Variants in LRRC45 observed in about 807,000 individuals in gnomAD.
The protein encoded by LRRC45 is leucine-rich repeat-containing protein 45.
In LRRC45, 73 loss-of-function variants were observed where a neutral mutation model predicts 85.4. That is an observed-to-expected ratio of 0.85 (90% CI 0.71 to 1.04). The LOEUF is 1.04. Among genes scored for constraint, LRRC45 ranks in the 50% least tolerant of loss-of-function variants. The pLI, the probability that LRRC45 is intolerant of heterozygous loss-of-function variation, is 0.00. For missense variants in LRRC45, 937 were observed against 883.3 expected (o/e 1.06, Z -0.77); for synonymous variants, 429 against 386.0 (o/e 1.11, Z -1.31).
intron 13 of LRRC45, 63 bp downstream of exon 13, chr17:82,029,248 C>T (rs1010439704): frequency 2.7e-6 from 4 of 1,501,146 alleles, no homozygotes; most frequent in South Asian, 1.2e-5. Flanking sequence ...GGCAGGGGCC[C>T]CTGGTGTTCG....
rs1414941199 is a variant in LRRC45 at position 82,023,305 on chromosome 17, G to T, written c.-339G>T. Reference sequence around the variant, plus strand: ...CCCGCGGCCTCTCCCGGCGCGCCTTGTTCTTCCTGGATACTGAGGCCCCGA... The same window carrying T: ...CCCGCGGCCTCTCCCGGCGCGCCTTTTTCTTCCTGGATACTGAGGCCCCGA... On this transcript the variant is annotated 5_prime_UTR_variant, in exon 1 of 17. Transcript: ENST00000306688. The T allele has an allele frequency of 2.2e-6, 1 of 452,452 alleles. No homozygotes were observed. 28.0% of individuals were successfully genotyped at this position (452,452 alleles called of 1,614,324 possible). A position where few individuals can be genotyped will look rare whatever the true frequency, so the allele number is the denominator to read the frequency against.
chr17:82,029,641 CCA>C lies in LRRC45; in HGVS notation c.1494+11_1494+12del. On this transcript the variant is annotated splice_region_variant and intron_variant, in intron 14 of 16. Coordinates refer to ENST00000306688, the MANE Select transcript of LRRC45 (RefSeq NM_144999.4). Reference sequence around the variant, plus strand: ...GCCAGGCCCGCCTGGAGGAGGTGAGCCACACATGTCCGCCACCCTCCGGGGGA... The same window carrying C: ...GCCAGGCCCGCCTGGAGGAGGTGAGCCACATGTCCGCCACCCTCCGGGGGA... The C allele has an allele frequency of 6.4e-7, 1 of 1,561,506 alleles. No homozygotes were observed. The highest frequency in any genetic ancestry group is 1.4e-5 in the African/African-American group (1 of 73,564).
chr17:82,029,481 A>G (rs2043397995), intron 13 of LRRC45, 62 bp from the exon 14 acceptor site: 1 of 1,513,074 alleles, frequency 6.6e-7, no homozygotes, highest in Non-Finnish European at 9.0e-7. Context: ...TGGATGGGCC[A>G]GAGAGAGAAG....
chr17:82,025,505 T>C lies in LRRC45; in HGVS notation c.659T>C (p.Val220Ala), dbSNP rs1465402544. 3 of 1,601,026 alleles carry C rather than the reference T, an allele frequency of 1.9e-6. No individual in the cohort carries two copies. The East Asian group carries it at 6.7e-5, about 36-fold the overall frequency. The change falls in exon 5 of 17, where the codon GTG becomes GCG. Residue 220 changes from valine (V) to alanine (A), a missense_variant and splice_region_variant. Val to Ala is a moderately conservative substitution (Grantham distance 64). Transcript: ENST00000306688. ...NNIPGDVLRA[V>A]EQAMGHSQDR... ...ATCCCTGGAGACGTCCTCAGAGCCGTGGGTACGGTGCAGGGCTGTGTGGAG... is the reference window on the plus strand; with the variant it reads ...ATCCCTGGAGACGTCCTCAGAGCCGCGGGTACGGTGCAGGGCTGTGTGGAG...
intron 14 of LRRC45, 140 bp from the exon 15 acceptor site, chr17:82,029,925 C>G (rs2043402760): frequency 3.6e-6 from 4 of 1,096,994 alleles, no homozygotes; most frequent in Non-Finnish European, 5.1e-6. Context: ...GAGGAGGTGG[C>G]TGCCAGGGGA....
chr17:82,027,286 C>T, intron 6 of LRRC45, 100 bp from the exon 7 acceptor site: 7 of 1,459,778 alleles, frequency 4.8e-6, no homozygotes, highest in African/African-American at 1.4e-5. Context: ...CCCTCCGCTG[C>T]CTTGCCACAT....
In LRRC45 at chr17:82,026,982, C is replaced by T. The variant is rs1568014778; in HGVS notation, c.745C>T (p.Gln249Ter). The change falls in exon 6 of 17, where the codon CAG becomes TAG. Residue 249 changes from glutamine to a stop codon, truncating the protein, a stop_gained. Transcript: ENST00000306688. LOFTEE classifies it high-confidence loss of function. ...ARTHVLSKEVQHLREEKSKQF... is the reference protein window; with the variant it reads ...ARTHVLSKEV ...CACTCACGTCCTCAGCAAGGAGGTC[C>T]AGCACCTCCGGGAGGAGAAGTCCAA... 6.2e-7 allele frequency: 1 copy of T among 1,605,338 alleles called. No individual in the cohort carries two copies. Among genetic ancestry groups the T allele is most frequent in the South Asian group, 1.1e-5 (1 of 89,782 alleles).
Position 82,029,959 on chromosome 17 carries a change from A to G in LRRC45, c.1495-106A>G, listed in dbSNP as rs149291284. ...GAGCGGGTTCAGAGTCATAGTAACT[A>G]GAGCAGCCAGTCCTGCAGAGAGGTG... On this transcript the variant is annotated intron_variant, in intron 14 of 16. Coordinates refer to ENST00000306688, the MANE Select transcript of LRRC45 (RefSeq NM_144999.4). 3,220 of 1,349,542 alleles carry G rather than the reference A, an allele frequency of 2.4e-3. 57 individuals carry two copies. The African/African-American group carries it at 0.042, about 18-fold the overall frequency. 83.6% of individuals were successfully genotyped at this position (1,349,542 alleles called of 1,614,324 possible).
intron 13 of LRRC45, 25 bp downstream of exon 13, chr17:82,029,210 A>G (rs1276963595): frequency 1.3e-6 from 2 of 1,599,944 alleles, no homozygotes; most frequent in Admixed American, 1.7e-5. Flanking sequence ...GGCAGGGCCA[A>G]GCTCTGCCTT....
intron 5 of LRRC45, among the ~76,000 whole-genome samples, chr17:82,026,528 C>A (rs2043368614): frequency 6.6e-6 from 1 of 151,448 alleles, no homozygotes; most frequent in South Asian, 2.1e-4. Context: ...ACCAGCTACT[C>A]CTGAGGCTAA....
chr17:82,024,821 G>A lies in LRRC45; in HGVS notation c.353+58G>A. ...CTGTGTGGTTGAGGATTGGCCCCGAGCACATGCTTCTGCAGCCCAAGAGTT... is the reference window on the plus strand; with the variant it reads ...CTGTGTGGTTGAGGATTGGCCCCGAACACATGCTTCTGCAGCCCAAGAGTT... On this transcript the variant is annotated intron_variant, in intron 3 of 16. Transcript: ENST00000306688. 6 of 1,527,502 alleles carry A rather than the reference G, an allele frequency of 3.9e-6. No homozygotes were observed. In the South Asian group the frequency reaches 6.3e-5, roughly 16 times the overall value. The allele number at this position is 1,527,502 out of a possible 1,614,324, so 94.6% of individuals were successfully genotyped here.
chr17:82,023,990 C>T (rs2043340707), intron 1 of LRRC45, 127 bp downstream of exon 1: 2 of 900,130 alleles, frequency 2.2e-6, no homozygotes, highest in Admixed American at 2.5e-5. Context: ...AGCAGGGGCG[C>T]CCCTTCCTGC....
rs1257739237 is a variant in LRRC45 at position 82,023,819 on chromosome 17, T to A, written c.176T>A (p.Leu59Gln). ...ALGKLLPRET[L>Q]CTELVLSDCM... ...GGCAAGCTGCTGCCGAGGGAGACGC[T>A]GTGCACGGAGCTGGTCCTGAGTGAC... Residue 59 changes from leucine to glutamine, a missense_variant, in exon 1 of 17, where the codon CTG becomes CAG. By Grantham distance (113) the Leu-to-Gln change is moderately radical. Coordinates refer to ENST00000306688, the MANE Select transcript of LRRC45 (RefSeq NM_144999.4). 1.9e-6 allele frequency: 3 copies of A among 1,570,050 alleles called. No homozygotes were observed. The South Asian group carries it at 3.5e-5, about 18-fold the overall frequency.
chr17:82,023,422 G>A lies in LRRC45; in HGVS notation c.-222G>A. ...CACCTGCCTGCTTCCTGCACGGGTG[G>A]TCCCCAAGCACTGCGGGGCCCCAGC... On this transcript the variant is annotated 5_prime_UTR_variant, in exon 1 of 17. Coordinates refer to ENST00000306688, the MANE Select transcript of LRRC45 (RefSeq NM_144999.4). 1.9e-6 allele frequency: 1 copy of A among 532,762 alleles called. No homozygotes were observed. The highest frequency in any genetic ancestry group is 3.3e-6 in the Non-Finnish European group (1 of 304,676). 33.0% of individuals were successfully genotyped at this position (532,762 alleles called of 1,614,324 possible). A position where few individuals can be genotyped will look rare whatever the true frequency, so the allele number is the denominator to read the frequency against.
In LRRC45 at chr17:82,030,210, TGCG is replaced by T; in HGVS notation, c.1647_1649del (p.Arg550del). 1 of 1,537,394 alleles carries T rather than the reference TGCG, an allele frequency of 6.5e-7. No homozygotes were observed. Among genetic ancestry groups the T allele is most frequent in the Non-Finnish European group, 8.8e-7 (1 of 1,138,976 alleles). On this transcript the variant is annotated inframe_deletion, in exon 15 of 17. Coordinates refer to ENST00000306688, the MANE Select transcript of LRRC45 (RefSeq NM_144999.4). ...CAGCTGGGCCTGCAAGTTGAGGGCC[TGCG>T]GCGGCGCCTGGAAGAGCTGCAGCAG...
chr17:82,027,602 TAC>T (rs1270172958), intron 7 of LRRC45, 70 bp from the exon 8 acceptor site: 1 of 1,546,784 alleles, frequency 6.5e-7, no homozygotes, highest in East Asian at 2.3e-5. Flanking sequence ...CAGCAGCAGC[TAC>T]CGAGGCCAGA....
intron 3 of LRRC45, 36 bp from the exon 4 acceptor site, chr17:82,024,964 C>A (rs375561721): frequency 1.3e-5 from 19 of 1,516,504 alleles, no homozygotes; most frequent in South Asian, 2.6e-5. Context: ...GCTAGGCAGT[C>A]CCCTAGGTGA....
In LRRC45 at chr17:82,028,378, C is replaced by T. The variant is rs574914327; in HGVS notation, c.1126-19C>T. The T allele has an allele frequency of 7.7e-5, 124 of 1,611,494 alleles. No homozygotes were observed. In the South Asian group the frequency reaches 1.2e-3, roughly 16 times the overall value. On this transcript the variant is annotated intron_variant, in intron 10 of 16. Coordinates refer to ENST00000306688, the MANE Select transcript of LRRC45 (RefSeq NM_144999.4). ...GGCAGGGCTGGGCTGCAGCTTCCCT[C>T]CCTGGTGCCGGCTTTCAGGTAGACG...
In LRRC45 at chr17:82,030,991, C is replaced by T. The variant is rs576204900; in HGVS notation, c.*186C>T. The T allele has an allele frequency of 7.3e-6, 3 of 412,452 alleles. No individual in the cohort carries two copies. The highest frequency in any genetic ancestry group is 1.3e-4 in the South Asian group (1 of 7,566). 25.5% of individuals were successfully genotyped at this position (412,452 alleles called of 1,614,324 possible). A position where few individuals can be genotyped will look rare whatever the true frequency, so the allele number is the denominator to read the frequency against. ...CCGTGGGAGGCGCCTGGGAAGGGCT[C>T]CCTACCGGCCCCTTCTTCCCGGTCG... is the stretch of plus-strand genomic sequence containing the variant. On this transcript the variant is annotated 3_prime_UTR_variant, in exon 17 of 17. Transcript: ENST00000306688.
Sources: gnomAD v4.1 joint callset for allele counts (sites outside exome capture counted in the v4.1 genomes callset) on GRCh38, gnomAD v4.1.1 for gene constraint, MANE v1.5 for transcripts, NCBI Gene and HGNC (gene_info 2026-07-23, HGNC 2026-07-21) for gene names.